The following EDEM3 variants were observed in gnomAD, a reference collection of about 807,000 sequenced individuals.
EDEM3 encodes the protein ER degradation-enhancing alpha-mannosidase-like protein 3.
In EDEM3, 60 loss-of-function variants were observed where a neutral mutation model predicts 110.2. The ratio of observed to expected loss-of-function variants is 0.54; its 90% confidence interval spans 0.44 to 0.67. The LOEUF is 0.67. Among genes scored for constraint, EDEM3 ranks in the 30% least tolerant of loss-of-function variants. EDEM3 has a pLI of 0.00. For synonymous variants in EDEM3, 352 were observed against 382.9 expected, an observed-to-expected ratio of 0.92 and a Z score of 0.94; for missense variants, 996 against 1,121.0, an observed-to-expected ratio of 0.89 and a Z score of 1.59.
At chr1:184,723,957 G>T in intron 7 of EDEM3, 101 bp from the exon 8 acceptor site, 1 of 809,242 alleles carries the variant, frequency 1.2e-6, no homozygotes, top group South Asian at 1.9e-5. Flanking sequence ...AAGGCCGATA[G>T]GATATTTTAA....
At chr1:184,731,178 C>CT (rs914655099) in intron 6 of EDEM3, among the ~76,000 whole-genome samples, 1 of 152,264 alleles carries the variant, frequency 6.6e-6, no homozygotes, top group Admixed American at 6.5e-5. Context: ...GCTGAGGTAT[C>CT]TGTCTTGGAT....
intron 1 of EDEM3, among the ~76,000 whole-genome samples, chr1:184,750,257 G>A (rs1166243449): frequency 6.6e-6 from 1 of 152,212 alleles, no homozygotes; most frequent in Non-Finnish European, 1.5e-5. Flanking sequence ...TGCTCAAAAA[G>A]AGAGTTGTGT....
intron 1 of EDEM3, among the ~76,000 whole-genome samples, chr1:184,753,595 C>CT (rs556857172): frequency 4.6e-5 from 7 of 151,716 alleles, no homozygotes; most frequent in South Asian, 2.1e-4. Flanking sequence ...CTCACTAAGC[C>CT]TTTTTTTTCT....
chr1:184,737,833 C>T (rs1651920948), intron 2 of EDEM3, 122 bp from the exon 3 acceptor site: 2 of 814,174 alleles, frequency 2.5e-6, no homozygotes, highest in Non-Finnish European at 3.7e-6. Flanking sequence ...TAAATTTACA[C>T]CCTGTGGAAT....
intron 4 of EDEM3, among the ~76,000 whole-genome samples, chr1:184,735,044 T>C (rs887064229): frequency 2.0e-5 from 3 of 152,196 alleles, no homozygotes; most frequent in Non-Finnish European, 4.4e-5. Flanking sequence ...AGCACTTTCT[T>C]CAAGGCATGT....
chr1:184,735,198 T>C (rs1176130832), intron 4 of EDEM3, among the ~76,000 whole-genome samples: 1 of 152,238 alleles, frequency 6.6e-6, no homozygotes, highest in African/African-American at 2.4e-5. Flanking sequence ...ACTACCCTTG[T>C]GATCTCAGAC....
intron 2 of EDEM3, among the ~76,000 whole-genome samples, chr1:184,741,029 C>T (rs1333909764): frequency 2.0e-5 from 3 of 152,150 alleles, no homozygotes; most frequent in Admixed American, 6.5e-5. Flanking sequence ...TCCTCTGTAA[C>T]TGAAGTTATA....
chr1:184,694,978 C>G (rs1649254960), intron 19 of EDEM3, among the ~76,000 whole-genome samples: 1 of 151,844 alleles, frequency 6.6e-6, no homozygotes, highest in African/African-American at 2.4e-5. Flanking sequence ...TTTTGAATGA[C>G]TAAGGGTATT....
chr1:184,702,981 C>T lies in EDEM3; in HGVS notation c.2219G>A (p.Ser740Asn), dbSNP rs1337275090. 1.9e-6 allele frequency: 3 copies of T among 1,604,864 alleles called. No individual in the cohort carries two copies. Among genetic ancestry groups the T allele is most frequent in the Admixed American group, 1.7e-5 (1 of 58,104 alleles). Residue 740 changes from serine to asparagine, a missense_variant, in exon 19 of 20, where the codon AGC becomes AAC. Physicochemically the swap from Ser to Asn is conservative, Grantham distance 46. Transcript: ENST00000318130. ...GGIVIDDNEG[S>N]SSDTAPLFQM... ...GAACAGAGGGGCAGTATCACTGCTG[C>T]TCCCCTCATTGTCATCTAGCCAGAA...
rs1449772867 is a variant in EDEM3, at chr1:184,710,610, T to A, written c.1692-63A>T. On this transcript the variant is annotated intron_variant, in intron 15 of 19. Transcript: ENST00000318130. Reference sequence around the variant, plus strand: ...TAAATTAGAATTGGCAAAAAACACATGTCAAATAAAAATAATGTTACTTGC... The same window carrying A: ...TAAATTAGAATTGGCAAAAAACACAAGTCAAATAAAAATAATGTTACTTGC... 1.7e-5 allele frequency: 26 copies of A among 1,500,874 alleles called. No homozygotes were observed. In the Admixed American group the frequency reaches 5.9e-4, roughly 34 times the overall value. The allele number at this position is 1,500,874 out of a possible 1,614,324, so 93.0% of individuals were successfully genotyped here.
chr1:184,716,684 T>C (rs940363247), intron 13 of EDEM3, among the ~76,000 whole-genome samples: 2 of 152,190 alleles, frequency 1.3e-5, no homozygotes, highest in Non-Finnish European at 2.9e-5. Flanking sequence ...GCACCTACTA[T>C]ATGCCAGGCA....
At chr1:184,729,966 A>T (rs1571396340) in intron 6 of EDEM3, among the ~76,000 whole-genome samples, 1 of 152,316 alleles carries the variant, frequency 6.6e-6, no homozygotes, top group South Asian at 2.1e-4. Context: ...TATATTGTTT[A>T]AAAAACTTTG....
chr1:184,694,885 C>G (rs1030822127), intron 19 of EDEM3, among the ~76,000 whole-genome samples: 4 of 151,972 alleles, frequency 2.6e-5, no homozygotes, highest in African/African-American at 4.8e-5. Context: ...CAGCATATAT[C>G]ATTGCTATAT....
rs1402904246 is a variant in EDEM3, at chr1:184,702,842, T to C, written c.2358A>G (p.Glu786=). ...LDAIREYEEV[E]VLLSDKAKDR... is the part of the protein sequence containing the mutation. ...CTTTTGCTTTATCAGAGAGGAGCACTTCTACCTCCTCATATTCCCGGATGG... is the reference window on the plus strand; with the variant it reads ...CTTTTGCTTTATCAGAGAGGAGCACCTCTACCTCCTCATATTCCCGGATGG... The change falls in exon 19 of 20, where the codon GAA becomes GAG. Residue 786 remains glutamate, a synonymous_variant. Transcript: ENST00000318130. 8.1e-6 allele frequency: 13 copies of C among 1,611,294 alleles called. No homozygotes were observed. The highest frequency in any genetic ancestry group is 1.0e-5 in the Non-Finnish European group (12 of 1,178,998).
Position 184,719,480 on chromosome 1 carries a change from C to G in EDEM3, c.1040G>C (p.Trp347Ser), listed in dbSNP as rs1321760670. 5 of 1,613,888 alleles carry G rather than the reference C, an allele frequency of 3.1e-6. No individual in the cohort carries two copies. In the South Asian group the frequency reaches 5.5e-5, roughly 18 times the overall value. ...IHKPMLNART[W>S]MDALLAFFPG... Reference sequence around the variant, plus strand: ...GAAGAAGGCAAGCAAAGCATCCATCCAAGTCCGAGCATTCAGCATTGGTTT... The same window carrying G: ...GAAGAAGGCAAGCAAAGCATCCATCGAAGTCCGAGCATTCAGCATTGGTTT... Residue 347 changes from tryptophan to serine, a missense_variant, in exon 10 of 20, where the codon TGG becomes TCG. This residue lies in a region of EDEM3 where 310 missense variants were observed against 394.6 expected (regional missense o/e 0.79). Coordinates refer to ENST00000318130, the MANE Select transcript of EDEM3 (RefSeq NM_025191.4).
At chr1:184,713,434 C>T (rs1650370869) in intron 13 of EDEM3, among the ~76,000 whole-genome samples, 1 of 152,096 alleles carries the variant, frequency 6.6e-6, no homozygotes, top group Non-Finnish European at 1.5e-5. Context: ...AATGTTTTAA[C>T]AATTTAAGAA....
In EDEM3 at chr1:184,716,951, T is replaced by C; in HGVS notation, c.1307A>G (p.Tyr436Cys). 6.2e-7 allele frequency: 1 copy of C among 1,613,284 alleles called. No individual in the cohort carries two copies. ...AGCAAATCCGCAAGGCACTCTAGCA[T>C]ATTTATTTAAATTTTCAATAAGTGT... ...GKTLIENLNK[Y>C]ARVPCGFAAM... Residue 436 changes from tyrosine to cysteine, a missense_variant, in exon 13 of 20, where the codon TAT (tyrosine) becomes TGT (cysteine). Physicochemically the swap from Tyr to Cys is radical, Grantham distance 194 (BLOSUM62 -2). Transcript: ENST00000318130.
intron 3 of EDEM3, 87 bp downstream of exon 3, chr1:184,737,524 A>C: frequency 2.4e-6 from 3 of 1,257,268 alleles, no homozygotes; most frequent in Non-Finnish European, 3.4e-6. Context: ...GCCAATCCCT[A>C]GAAATATTAT....
At chr1:184,750,715 G>A (rs894643628) in intron 1 of EDEM3, among the ~76,000 whole-genome samples, 5 of 151,984 alleles carry the variant, frequency 3.3e-5, no homozygotes, top group East Asian at 1.9e-4. Flanking sequence ...GTTTTACCAC[G>A]TTGGCCAGGC....
Sources: allele counts gnomAD v4.1 joint callset (sites outside exome capture counted in the v4.1 genomes callset), GRCh38; gene constraint gnomAD v4.1.1; regional missense constraint gnomAD v4.1.1; transcripts MANE v1.5; gene names NCBI Gene and HGNC (gene_info 2026-07-23, HGNC 2026-07-21).